NFKBIB: variants seen among roughly 807,000 people sequenced by gnomAD.
NFKBIB encodes NFKB inhibitor beta.
Under a neutral mutation model 32.1 loss-of-function variants are expected in NFKBIB, and 16 were observed. The ratio of observed to expected loss-of-function variants is 0.50; its 90% CI spans 0.34 to 0.76. The LOEUF (loss-of-function observed/expected upper bound fraction) is 0.76, where lower values mean the gene tolerates loss of function less well. Among genes scored for constraint, NFKBIB ranks in the 30% least tolerant of loss-of-function variants. The pLI is 0.01. For missense variants in NFKBIB, 437 were observed against 514.9 expected (o/e 0.85, Z 1.46); for synonymous variants, 222 against 219.5 (o/e 1.01, Z -0.10).
rs764054923 is a variant in NFKBIB, at chr19:38,905,500, A to G, written c.584A>G (p.Asp195Gly). ...LEKEEEESEE[D>G]WKLQLEAENY... ...AAGGAAGAAGAGGAGAGTGAGGAGG[A>G]CTGGAAGCTGCAGCTGGAGGCTGAA... Residue 195 changes from aspartate to glycine, a missense_variant, in exon 3 of 6, where the codon GAC becomes GGC. Transcript: ENST00000313582. This position sits in a 1 kb window ranked among gnomAD's most constrained non-coding sequence, Gnocchi z 5.5. 5 of 1,612,378 alleles carry G rather than the reference A, an allele frequency of 3.1e-6. No individual in the cohort carries two copies. The African/African-American group carries it at 6.7e-5, about 22-fold the overall frequency.
In NFKBIB at chr19:38,905,862, C is replaced by T. The variant is rs776186249; in HGVS notation, c.619+327C>T. 3.3e-5 allele frequency among the ~76,000 whole-genome samples: 5 copies of T among 152,146 alleles called. No homozygotes were observed. The highest frequency in any genetic ancestry group is 6.6e-5 in the Admixed American group (1 of 15,266). ...TGCAGACCCCTACCCTACCCAGGAC[C>T]GGGGAATGCAGAGCTCAGGCCCTCT... On this transcript the variant is annotated intron_variant, in intron 3 of 5. Coordinates refer to ENST00000313582, the MANE Select transcript of NFKBIB (RefSeq NM_002503.5). This position sits in a 1 kb window ranked among gnomAD's most constrained non-coding sequence, Gnocchi z 5.5.
Position 38,905,118 on chromosome 19 carries a change from C to G in NFKBIB, c.283C>G (p.Gln95Glu), listed in dbSNP as rs370729219. Residue 95 changes from glutamine (Q) to glutamate (E), a missense_variant and splice_region_variant, in exon 2 of 6, where the codon CAG (glutamine) becomes GAG (glutamate). Physicochemically the swap from Gln to Glu is conservative, Grantham distance 29 (BLOSUM62 2). Transcript: ENST00000313582. The surrounding 1 kb of genome is among the most constrained non-coding windows in gnomAD (Gnocchi z 5.5). Reference sequence around the variant, plus strand: ...CATGGACCTGCAGAATGACCTAGGCCAGGTGAGCCACGAGGGATGGTGTAG... The same window carrying G: ...CATGGACCTGCAGAATGACCTAGGCGAGGTGAGCCACGAGGGATGGTGTAG... ...EYMDLQNDLGQTALHLAAILG... is the reference protein window; with the variant it reads ...EYMDLQNDLGETALHLAAILG... 6.8e-6 allele frequency: 11 copies of G among 1,614,010 alleles called. No homozygotes were observed. The African/African-American group carries it at 1.5e-4, about 22-fold the overall frequency.
At chr19:38,907,836 G>A (rs1283275722) in intron 5 of NFKBIB, 177 bp downstream of exon 5, 5 of 1,420,056 alleles carry the variant, frequency 3.5e-6, no homozygotes, top group Non-Finnish European at 4.6e-6. Context: ...GGTGGGAAGA[G>A]CTTGGGCAGA....
chr19:38,904,947 A>G (rs1388528102), intron 1 of NFKBIB, 68 bp from the exon 2 acceptor site: 2 of 1,465,860 alleles, frequency 1.4e-6, no homozygotes, highest in Admixed American at 3.4e-5. Flanking sequence ...TAGGCGCCCC[A>G]TGTTTGTTCA....
At chr19:38,906,283 A>C (rs1974114796) in intron 3 of NFKBIB, among the ~76,000 whole-genome samples, 1 of 147,738 alleles carries the variant, frequency 6.8e-6, no homozygotes, top group Non-Finnish European at 1.5e-5. Flanking sequence ...TACAGGGATT[A>C]CAGGCACATG....
rs755717206 is a variant in NFKBIB, at chr19:38,908,739, C to T, written c.978C>T (p.Tyr326=). The T allele has an allele frequency of 1.4e-5, 22 of 1,612,880 alleles. No individual in the cohort carries two copies. The highest frequency in any genetic ancestry group is 2.7e-5 in the African/African-American group (2 of 74,822). ...DSDSGDEGDE[Y]DDIVVHSSRS... is the part of the protein sequence containing the mutation. ...GTCCCCTTTGCCCCCAGGATGAATACGACGACATTGTGGTTCACAGCAGCC... is the reference window on the plus strand; with the variant it reads ...GTCCCCTTTGCCCCCAGGATGAATATGACGACATTGTGGTTCACAGCAGCC... Residue 326 remains tyrosine, a synonymous_variant, in exon 6 of 6, where the codon TAC becomes TAT. Transcript: ENST00000313582.
At position 38,905,199 on chromosome 19, in the gene NFKBIB, C is replaced by A; in HGVS notation, c.286-3C>A. 1 of 1,600,590 alleles carries A rather than the reference C, an allele frequency of 6.2e-7. No individual in the cohort carries two copies. The highest frequency in any genetic ancestry group is 8.5e-7 in the Non-Finnish European group (1 of 1,173,014). ...CCCTACCGCCTGTCCTCTGCTTCTG[C>A]AGACAGCCCTGCACCTGGCAGCCAT... On this transcript the variant is annotated splice_region_variant and splice_polypyrimidine_tract_variant and intron_variant, in intron 2 of 5. Coordinates refer to ENST00000313582, the MANE Select transcript of NFKBIB (RefSeq NM_002503.5). This position sits in a 1 kb window ranked among gnomAD's most constrained non-coding sequence, Gnocchi z 5.5.
At chr19:38,907,946 G>A in intron 5 of NFKBIB, 1 of 1,260,858 alleles carries the variant, frequency 7.9e-7, no homozygotes, top group Non-Finnish European at 1.0e-6. Context: ...GGGGTGGGTG[G>A]TAGCGCTGGG....
upstream of NFKBIB, chr19:38,899,719 C>T (rs2144715836): frequency 1.2e-6 from 1 of 806,686 alleles, no homozygotes; most frequent in East Asian, 2.7e-5. Flanking sequence ...TTTCGTACAA[C>T]ACCCAGAGCG....
chr19:38,904,387 C>A (rs1432036697), intron 1 of NFKBIB, among the ~76,000 whole-genome samples: 1 of 152,174 alleles, frequency 6.6e-6, no homozygotes, highest in Non-Finnish European at 1.5e-5. Context: ...GTTTTCCCAT[C>A]CCCACAGACT....
intron 5 of NFKBIB, 195 bp from the exon 6 acceptor site, chr19:38,908,536 C>CT: frequency 1.1e-6 from 1 of 941,294 alleles, no homozygotes; most frequent in Non-Finnish European, 1.4e-6. Flanking sequence ...GAGACTCCAT[C>CT]TTAAAAAAAA....
intron 3 of NFKBIB, among the ~76,000 whole-genome samples, chr19:38,906,562 T>C (rs1172875840): frequency 1.4e-5 from 2 of 145,602 alleles, no homozygotes; most frequent in Non-Finnish European, 3.0e-5. Flanking sequence ...CTCCGCCTCC[T>C]GGGTTCACAC....
chr19:38,903,134 A>T (rs1268014430), intron 1 of NFKBIB, among the ~76,000 whole-genome samples: 2 of 152,086 alleles, frequency 1.3e-5, no homozygotes, highest in Non-Finnish European at 2.9e-5. Flanking sequence ...AAACCATATG[A>T]CCTACAAAGA....
At chr19:38,908,053 G>T in intron 5 of NFKBIB, 1 of 1,073,514 alleles carries the variant, frequency 9.3e-7, no homozygotes, top group Non-Finnish European at 1.1e-6. Flanking sequence ...GGCAGGACCC[G>T]AGCCAGCGGT....
rs1338452919 is a variant in NFKBIB at position 38,907,333 on chromosome 19, T to C, written c.708+24T>C. 4 of 1,607,686 alleles carry C rather than the reference T, an allele frequency of 2.5e-6. No homozygotes were observed. The African/African-American group carries it at 4.0e-5, about 16-fold the overall frequency. On this transcript the variant is annotated intron_variant, in intron 4 of 5. Transcript: ENST00000313582. ...CGGTGAGCCCCAACCTCGGGGAAGATGCCGTCGGCGGGAGGGGGCTTGTCC... is the reference window on the plus strand; with the variant it reads ...CGGTGAGCCCCAACCTCGGGGAAGACGCCGTCGGCGGGAGGGGGCTTGTCC...
chr19:38,902,085 CTT>C (rs74176475), intron 1 of NFKBIB, among the ~76,000 whole-genome samples: 2 of 92,360 alleles, frequency 2.2e-5, no homozygotes, highest in African/African-American at 7.9e-5. Flanking sequence ...CATTTTATTT[CTT>C]TTTTTTTTTT....
At chr19:38,900,236 C>T (rs1342152623) in intron 1 of NFKBIB, 25 bp downstream of exon 1, 3 of 1,568,936 alleles carry the variant, frequency 1.9e-6, no homozygotes, top group Admixed American at 2.0e-5. Context: ...GGCTGCCAAA[C>T]GGAGCCCTAG....
intron 1 of NFKBIB, among the ~76,000 whole-genome samples, chr19:38,903,994 C>G (rs1974040139): frequency 6.6e-6 from 1 of 151,984 alleles, no homozygotes; most frequent in Non-Finnish European, 1.5e-5. Flanking sequence ...CGCTTGAACC[C>G]AGGAGGTGGA....
At chr19:38,901,740 G>A (rs866345404) in intron 1 of NFKBIB, among the ~76,000 whole-genome samples, 9 of 151,978 alleles carry the variant, frequency 5.9e-5, no homozygotes, top group South Asian at 4.1e-4. Flanking sequence ...TGATCCACCC[G>A]CTGTGGCCTC....
Sources: gnomAD v4.1 joint callset for allele counts (sites outside exome capture counted in the v4.1 genomes callset) on GRCh38, gnomAD v4.1.1 for gene constraint, Gnocchi (gnomAD v3.1) non-coding constraint, MANE v1.5 for transcripts, NCBI Gene and HGNC (gene_info 2026-07-23, HGNC 2026-07-21) for gene names.